TPST1: variants seen among roughly 807,000 people sequenced by gnomAD.
The protein encoded by TPST1 is tyrosylprotein sulfotransferase 1, also known as protein-tyrosine sulfotransferase 1.
In TPST1, 20 loss-of-function variants were observed where a neutral mutation model predicts 34.8. The observed-to-expected ratio is 0.57, with a 90% CI of 0.40 to 0.84. TPST1 has a LOEUF of 0.84. TPST1 is among the 40% of genes least tolerant of loss of function. The probability of loss-of-function intolerance (pLI) is 0.00; values close to 1 mark genes in which losing one functional copy is unlikely to be tolerated. For missense variants in TPST1, 353 were observed against 455.5 expected, an observed-to-expected ratio of 0.78 and a Z score of 2.05; for synonymous variants, 152 against 159.4, an observed-to-expected ratio of 0.95 and a Z score of 0.35.
intron 2 of TPST1, among the ~76,000 whole-genome samples, chr7:66,284,731 A>T (rs1165107541): frequency 6.6e-6 from 1 of 151,698 alleles, no homozygotes; most frequent in Non-Finnish European, 1.5e-5. Flanking sequence ...TAATTTTTGT[A>T]TTTTTAGTAG....
At chr7:66,212,463 CTTTTT>C (rs756884668) in intron 1 of TPST1, among the ~76,000 whole-genome samples, 1 of 60,930 alleles carries the variant, frequency 1.6e-5, no homozygotes, top group Non-Finnish European at 3.6e-5. Context: ...TTTCTTTTTT[CTTTTT>C]TTTTTTTTTG....
intron 3 of TPST1, among the ~76,000 whole-genome samples, chr7:66,328,006 C>G: frequency 2.1e-5 from 2 of 94,498 alleles, no homozygotes; most frequent in East Asian, 3.2e-4. Context: ...TTTTTTTTTC[C>G]TTTCCTTTTT....
At chr7:66,306,700 TTTTTG>T (rs1337070967) in intron 3 of TPST1, among the ~76,000 whole-genome samples, 1 of 152,112 alleles carries the variant, frequency 6.6e-6, no homozygotes, top group Non-Finnish European at 1.5e-5. Flanking sequence ...CTCATATAGT[TTTTTG>T]TTTTGTTTTG....
intron 2 of TPST1, among the ~76,000 whole-genome samples, chr7:66,262,179 T>A (rs905602403): frequency 1.3e-5 from 2 of 152,206 alleles, no homozygotes; most frequent in African/African-American, 4.8e-5. Flanking sequence ...GGCCTCACCT[T>A]GGCTCATGCT....
At chr7:66,206,020 C>T (rs1562794226) in intron 1 of TPST1, 1 of 152,710 alleles carries the variant, frequency 6.5e-6, no homozygotes, top group Non-Finnish European at 1.5e-5. Flanking sequence ...CAACTCGCCT[C>T]TTCTCCCCTC....
rs1167913580 is a variant in TPST1, at chr7:66,260,463, AAT to A, written c.845+19195_845+19196del. On this transcript the variant is annotated intron_variant, in intron 2 of 5. Coordinates refer to ENST00000304842, the MANE Select transcript of TPST1 (RefSeq NM_003596.4). The stretch of plus-strand genomic sequence containing the variant: ...GTGTACTTGAATGACTGTACTCCAT[AAT>A]AACTGTGGAATAATCTGTGGAATAA... Among the ~76,000 whole-genome samples the A allele has an allele frequency of 5.9e-5, 9 of 152,194 alleles. No homozygotes were observed. In the East Asian group the frequency reaches 1.5e-3, roughly 26 times the overall value.
At chr7:66,265,692 T>G (rs1326789401) in intron 2 of TPST1, among the ~76,000 whole-genome samples, 1 of 152,180 alleles carries the variant, frequency 6.6e-6, no homozygotes, top group African/African-American at 2.4e-5. Flanking sequence ...GATTCACAGC[T>G]AGACACATCA....
rs553421604 is a variant in TPST1, at chr7:66,278,507, G to A, written c.846-8004G>A. 3.3e-4 allele frequency among the ~76,000 whole-genome samples: 50 copies of A among 152,180 alleles called. No homozygotes were observed. The South Asian group carries it at 4.6e-3, about 14-fold the overall frequency. On this transcript the variant is annotated intron_variant, in intron 2 of 5. Transcript: ENST00000304842. ...GGTAAAAAAAGAAAGACATTGGGCC[G>A]GGCGCAGTGGCTCACGCCTGTAATC...
At chr7:66,211,902 G>T (rs1380210755) in intron 1 of TPST1, among the ~76,000 whole-genome samples, 6 of 152,190 alleles carry the variant, frequency 3.9e-5, no homozygotes, top group Non-Finnish European at 8.8e-5. Flanking sequence ...GGAGGCGGAG[G>T]TCGCAGTGAG....
intron 1 of TPST1, among the ~76,000 whole-genome samples, chr7:66,238,096 G>A (rs1165394517): frequency 1.3e-5 from 2 of 152,168 alleles, no homozygotes; most frequent in South Asian, 2.1e-4. Context: ...ACTAAAGTCT[G>A]AGTCCTGAAG....
intron 2 of TPST1, among the ~76,000 whole-genome samples, chr7:66,252,310 G>A (rs1471458484): frequency 1.3e-5 from 2 of 148,254 alleles, no homozygotes; most frequent in African/African-American, 2.5e-5. Flanking sequence ...TACCCGCCTC[G>A]GCCTCCCAAA....
At position 66,332,270 on chromosome 7, in the gene TPST1, CTT is replaced by C. The variant is rs754222451; in HGVS notation, c.1045-20222_1045-20221del. Among the ~76,000 whole-genome samples the C allele has an allele frequency of 6.3e-5, 9 of 142,768 alleles. No homozygotes were observed. Among genetic ancestry groups the C allele is most frequent in the Non-Finnish European group, 7.7e-5 (5 of 64,742 alleles). The allele number at this position is 142,768 out of a possible 152,430, so 93.7% of individuals were successfully genotyped here. On this transcript the variant is annotated intron_variant, in intron 3 of 5. Transcript: ENST00000304842. This position sits in a 1 kb window ranked among gnomAD's most constrained non-coding sequence, Gnocchi z 4.5. ...GTTGCACTGAGACTTTTGTTTACAT[CTT>C]TTTTTTTTTTTTGAGATGAGAGTCT...
At chr7:66,207,499 A>G (rs1351816482) in intron 1 of TPST1, among the ~76,000 whole-genome samples, 1 of 152,154 alleles carries the variant, frequency 6.6e-6, no homozygotes, top group Non-Finnish European at 1.5e-5. Context: ...GTTGGATGGT[A>G]TACATCCTCA....
chr7:66,199,531 G>A, the TPST1 span, among the ~76,000 whole-genome samples: 1 of 151,916 alleles, frequency 6.6e-6, no homozygotes, highest in South Asian at 2.1e-4. Context: ...CTGACCTCAA[G>A]TGATCTGATC....
intron 1 of TPST1, among the ~76,000 whole-genome samples, chr7:66,238,447 A>T (rs1276184576): frequency 6.7e-6 from 1 of 149,630 alleles, no homozygotes; most frequent in African/African-American, 2.5e-5. Flanking sequence ...ATTTAACTTA[A>T]CCACTCAGTC....
intron 1 of TPST1, among the ~76,000 whole-genome samples, chr7:66,209,490 C>T (rs1789200626): frequency 2.0e-5 from 3 of 152,182 alleles, no homozygotes; most frequent in Admixed American, 2.0e-4. Context: ...CCATCTCAGG[C>T]TTTGTGTCTT....
intron 3 of TPST1, among the ~76,000 whole-genome samples, chr7:66,312,647 C>T (rs1791552664): frequency 6.6e-6 from 1 of 152,142 alleles, no homozygotes. Context: ...GGGAAATTTT[C>T]CACTAAGTCG....
chr7:66,207,454 C>A (rs1335314667), intron 1 of TPST1, among the ~76,000 whole-genome samples: 2 of 152,196 alleles, frequency 1.3e-5, no homozygotes, highest in African/African-American at 4.8e-5. Context: ...CGAAAGCTAA[C>A]GTCTTTGATC....
At chr7:66,339,111 G>A (rs1792181659) in intron 3 of TPST1, among the ~76,000 whole-genome samples, 1 of 150,650 alleles carries the variant, frequency 6.6e-6, no homozygotes, top group African/African-American at 2.4e-5. Context: ...GTGTTGGGGG[G>A]TGGTGGGTGG....
Sources: gnomAD v4.1 joint callset for allele counts (sites outside exome capture counted in the v4.1 genomes callset) on GRCh38, gnomAD v4.1.1 for gene constraint, Gnocchi (gnomAD v3.1) non-coding constraint, MANE v1.5 for transcripts, NCBI Gene and HGNC (gene_info 2026-07-23, HGNC 2026-07-21) for gene names.